SMYD3: variants seen among roughly 807,000 people sequenced by gnomAD.
The protein encoded by SMYD3 is histone-lysine N-methyltransferase SMYD3.
Under a neutral mutation model 57.7 loss-of-function variants are expected in SMYD3, and 36 were observed. The observed-to-expected ratio is 0.62, with a 90% CI of 0.48 to 0.82. SMYD3 has a LOEUF of 0.82. SMYD3 is among the 40% of genes least tolerant of loss of function. The pLI is 0.00. For missense variants in SMYD3, 515 were observed against 538.8 expected (o/e 0.96, Z 0.44); for synonymous variants, 211 against 195.0 (o/e 1.08, Z -0.68).
chr1:245,960,880 A>G (rs2057987025), intron 5 of SMYD3, among the ~76,000 whole-genome samples: 1 of 152,200 alleles, frequency 6.6e-6, no homozygotes, highest in African/African-American at 2.4e-5. Flanking sequence ...TTACATAGGC[A>G]TTTTCACATT....
chr1:245,867,113 T>C (rs2051898812), intron 8 of SMYD3, among the ~76,000 whole-genome samples: 1 of 152,222 alleles, frequency 6.6e-6, no homozygotes, highest in South Asian at 2.1e-4. Flanking sequence ...TTAAAATAGC[T>C]GAGAGTATCC....
intron 8 of SMYD3, among the ~76,000 whole-genome samples, chr1:245,867,234 G>A (rs1424963096): frequency 1.3e-5 from 2 of 152,200 alleles, no homozygotes; most frequent in Non-Finnish European, 2.9e-5. Flanking sequence ...ACCAGAAGCT[G>A]GCAAAGGCAA....
At chr1:246,375,149 G>A (rs1164088019) in intron 1 of SMYD3, among the ~76,000 whole-genome samples, 2 of 151,920 alleles carry the variant, frequency 1.3e-5, no homozygotes, top group Admixed American at 1.3e-4. Flanking sequence ...AATAAAACAA[G>A]GTTATGTACT....
intron 1 of SMYD3, among the ~76,000 whole-genome samples, chr1:246,498,375 G>A (rs7545003): frequency 0.95 from 144,001 of 152,256 alleles, 68,306 homozygotes; most frequent in Non-Finnish European, 0.99. Context: ...TGAACTGATA[G>A]TAGAGTGATT....
At chr1:245,797,265 T>C (rs2047564574) in intron 10 of SMYD3, among the ~76,000 whole-genome samples, 1 of 152,076 alleles carries the variant, frequency 6.6e-6, no homozygotes, top group South Asian at 2.1e-4. Flanking sequence ...TAGCAAAGAC[T>C]TGGAACCAAC....
intron 5 of SMYD3, among the ~76,000 whole-genome samples, chr1:245,931,104 G>A (rs2056689996): frequency 6.6e-6 from 1 of 152,184 alleles, no homozygotes; most frequent in African/African-American, 2.4e-5. Flanking sequence ...ATCACTTACG[G>A]CCCTACTGCC....
chr1:245,878,986 G>C (rs1037749529), intron 8 of SMYD3, among the ~76,000 whole-genome samples: 11 of 152,278 alleles, frequency 7.2e-5, no homozygotes, highest in Admixed American at 3.3e-4. Context: ...ATTTGTATTT[G>C]TTTGGCCTCC....
intron 5 of SMYD3, among the ~76,000 whole-genome samples, chr1:246,017,622 C>T (rs945416098): frequency 5.3e-5 from 8 of 152,152 alleles, no homozygotes; most frequent in African/African-American, 1.9e-4. Context: ...TGGTACATAA[C>T]TTCAATCAGT....
chr1:246,407,146 C>A (rs6666645), intron 1 of SMYD3, among the ~76,000 whole-genome samples: 49,243 of 139,552 alleles, frequency 0.35, 8,379 homozygotes, highest in East Asian at 0.5. Context: ...TGCTTATATC[C>A]CACATTATCT....
intron 5 of SMYD3, among the ~76,000 whole-genome samples, chr1:246,089,819 G>A (rs1481857190): frequency 1.3e-5 from 2 of 151,260 alleles, no homozygotes; most frequent in Admixed American, 6.6e-5. Flanking sequence ...ATGTTTTCTC[G>A]CCCTCCAAAT....
chr1:246,294,017 C>G (rs2064746902), intron 5 of SMYD3, among the ~76,000 whole-genome samples: 1 of 152,138 alleles, frequency 6.6e-6, no homozygotes, highest in Admixed American at 6.5e-5. Flanking sequence ...ATCTTTCTCT[C>G]CAGGTTTTCC....
chr1:246,229,162 A>G (rs2063373128), intron 5 of SMYD3, among the ~76,000 whole-genome samples: 1 of 152,172 alleles, frequency 6.6e-6, no homozygotes, highest in Admixed American at 6.5e-5. Context: ...ATAATGTTAG[A>G]ATATTATCCA....
intron 1 of SMYD3, among the ~76,000 whole-genome samples, chr1:246,474,033 T>C (rs2067995086): frequency 6.6e-6 from 1 of 152,246 alleles, no homozygotes; most frequent in Non-Finnish European, 1.5e-5. Context: ...CCAAAAGTTA[T>C]TAACAATTTA....
chr1:246,088,566 T>TCC (rs2060766501), intron 5 of SMYD3, among the ~76,000 whole-genome samples: 1 of 131,564 alleles, frequency 7.6e-6, no homozygotes, highest in Non-Finnish European at 1.6e-5. Context: ...GCCGAGATCA[T>TCC]GCCACTGCAC....
intron 10 of SMYD3, among the ~76,000 whole-genome samples, chr1:245,828,922 C>T (rs11591071): frequency 1.3e-5 from 2 of 152,066 alleles, no homozygotes. Flanking sequence ...AGGCTGGTCT[C>T]GAACTCCTGA....
At chr1:246,061,384 C>T (rs751826517) in intron 5 of SMYD3, among the ~76,000 whole-genome samples, 9 of 151,832 alleles carry the variant, frequency 5.9e-5, no homozygotes, top group Admixed American at 3.3e-4. Context: ...GGATCAAATG[C>T]GTGGTAGGGA....
chr1:246,178,920 AACAC>A (rs1242287130), intron 5 of SMYD3: 1 of 152,492 alleles, frequency 6.6e-6, no homozygotes, highest in Non-Finnish European at 1.5e-5. Flanking sequence ...CTGCCAAATG[AACAC>A]ATTAACTGAA....
intron 5 of SMYD3, among the ~76,000 whole-genome samples, chr1:246,137,012 G>C (rs1572089619): frequency 6.6e-6 from 1 of 152,282 alleles, no homozygotes; most frequent in East Asian, 1.9e-4. Flanking sequence ...AGAAACAGAA[G>C]TCTTACAACA....
At chr1:246,257,488 T>A (rs2063917257) in intron 5 of SMYD3, among the ~76,000 whole-genome samples, 3 of 152,190 alleles carry the variant, frequency 2.0e-5, no homozygotes, top group Admixed American at 2.0e-4. Context: ...TTTTTGTTAT[T>A]CATTACTTTG....
Sources: allele counts gnomAD v4.1 joint callset (sites outside exome capture counted in the v4.1 genomes callset), GRCh38; gene constraint gnomAD v4.1.1; transcripts MANE v1.5; gene names NCBI Gene and HGNC (gene_info 2026-07-23, HGNC 2026-07-21).